The following ARHGAP42 variants were observed in gnomAD, a reference collection of about 807,000 sequenced individuals.
The protein encoded by ARHGAP42 is Rho GTPase activating protein 42.
A neutral mutation model predicts 125.0 loss-of-function variants in ARHGAP42; 63 were observed. The ratio of observed to expected loss-of-function variants is 0.50; its 90% CI spans 0.41 to 0.62. The LOEUF (loss-of-function observed/expected upper bound fraction) is 0.62, where lower values mean the gene tolerates loss of function less well. ARHGAP42 is among the 20% of genes least tolerant of loss of function. The pLI, the probability that ARHGAP42 is intolerant of heterozygous loss-of-function variation, is 0.00. For synonymous variants in ARHGAP42, 339 were observed against 351.0 expected, an observed-to-expected ratio of 0.97 and a Z score of 0.38; for missense variants, 766 against 1,024.2, an observed-to-expected ratio of 0.75 and a Z score of 3.44.
chr11:100,941,682 G>A (rs905328575), intron 8 of ARHGAP42, 102 bp from the exon 9 acceptor site: 3 of 648,286 alleles, frequency 4.6e-6, no homozygotes, highest in Non-Finnish European at 5.2e-6. Flanking sequence ...GCATGGTATA[G>A]GAGAGATAAT....
At chr11:100,860,279 C>G (rs985842576) in intron 4 of ARHGAP42, among the ~76,000 whole-genome samples, 3 of 152,052 alleles carry the variant, frequency 2.0e-5, no homozygotes, top group Admixed American at 2.0e-4. Context: ...TATCCCTTCC[C>G]CATTTGAGCA....
chr11:100,741,923 T>C (rs1457054913), intron 1 of ARHGAP42, among the ~76,000 whole-genome samples: 6 of 152,346 alleles, frequency 3.9e-5, no homozygotes, highest in Non-Finnish European at 7.3e-5. Flanking sequence ...TAAGGTTGTC[T>C]GCTTTAACCT....
At chr11:100,750,117 G>A (rs973078877) in intron 1 of ARHGAP42, among the ~76,000 whole-genome samples, 8 of 152,184 alleles carry the variant, frequency 5.3e-5, no homozygotes, top group African/African-American at 1.9e-4. Flanking sequence ...TGTAATCCTG[G>A]ATGAGCCCCC....
chr11:100,795,090 T>C lies in ARHGAP42; in HGVS notation c.251-15T>C. ...AAAATATTAATTCTTTGCATTTTTT[T>C]ATCTTTCCAAACAGCTCAGTCACTA... On this transcript the variant is annotated splice_polypyrimidine_tract_variant and intron_variant, in intron 2 of 23. Coordinates refer to ENST00000298815, the MANE Select transcript of ARHGAP42 (RefSeq NM_152432.4). The C allele has an allele frequency of 6.5e-7, 1 of 1,529,160 alleles. No homozygotes were observed. Among genetic ancestry groups the C allele is most frequent in the Non-Finnish European group, 8.8e-7 (1 of 1,137,798 alleles). 94.7% of individuals were successfully genotyped at this position (1,529,160 alleles called of 1,614,324 possible). A position where few individuals can be genotyped will look rare whatever the true frequency, so the allele number is the denominator to read the frequency against.
At chr11:100,800,599 G>A (rs1368821688) in intron 3 of ARHGAP42, among the ~76,000 whole-genome samples, 1 of 152,048 alleles carries the variant, frequency 6.6e-6, no homozygotes, top group Non-Finnish European at 1.5e-5. Context: ...TGGAGATGAA[G>A]GAAGATCCGA....
intron 4 of ARHGAP42, among the ~76,000 whole-genome samples, chr11:100,862,562 C>T (rs891012993): frequency 6.6e-6 from 1 of 152,140 alleles, no homozygotes; most frequent in African/African-American, 2.4e-5. Flanking sequence ...TTTGCCTGCT[C>T]ACTGGAAGGT....
intron 19 of ARHGAP42, 25 bp from the exon 20 acceptor site, chr11:100,976,032 C>A: frequency 6.8e-7 from 1 of 1,467,718 alleles, no homozygotes; most frequent in South Asian, 1.4e-5. Flanking sequence ...CAGTTGCTTT[C>A]ATCTCTCTCC....
chr11:100,959,018 T>A (rs12420453), intron 12 of ARHGAP42, among the ~76,000 whole-genome samples: 7,476 of 152,130 alleles, frequency 0.049, 324 homozygotes, highest in East Asian at 0.25. Context: ...GAAGTTAGTT[T>A]TAAATTTGTA....
At chr11:100,838,272 C>T (rs1408081929) in intron 3 of ARHGAP42, among the ~76,000 whole-genome samples, 5 of 152,014 alleles carry the variant, frequency 3.3e-5, no homozygotes, top group Non-Finnish European at 7.4e-5. Context: ...TTGATTAAAG[C>T]GGTGTCTGCC....
intron 3 of ARHGAP42, among the ~76,000 whole-genome samples, chr11:100,833,781 T>C (rs1864717047): frequency 6.6e-6 from 1 of 152,148 alleles, no homozygotes; most frequent in Non-Finnish European, 1.5e-5. Flanking sequence ...TTGTTTCATA[T>C]ATGTTAGAAG....
chr11:100,921,214 C>CATATAT (rs1555024757), intron 5 of ARHGAP42, among the ~76,000 whole-genome samples: 15 of 36,274 alleles, frequency 4.1e-4, no homozygotes, highest in Non-Finnish European at 6.0e-4. Context: ...TATATATATA[C>CATATAT]ATATATATAT....
At chr11:100,868,163 A>T (rs1865616811) in intron 4 of ARHGAP42, among the ~76,000 whole-genome samples, 1 of 152,144 alleles carries the variant, frequency 6.6e-6, no homozygotes, top group South Asian at 2.1e-4. Context: ...AGCATTGTTT[A>T]AAAAAATGGC....
intron 4 of ARHGAP42, among the ~76,000 whole-genome samples, chr11:100,868,438 C>T (rs1314387349): frequency 6.6e-6 from 1 of 152,140 alleles, no homozygotes; most frequent in Non-Finnish European, 1.5e-5. Context: ...TGTAAACTTA[C>T]TTAATCCTCA....
At chr11:100,802,271 TAA>T (rs528788072) in intron 3 of ARHGAP42, among the ~76,000 whole-genome samples, 27 of 152,200 alleles carry the variant, frequency 1.8e-4, no homozygotes, top group Admixed American at 5.2e-4. Flanking sequence ...GATGAAATGC[TAA>T]GTTTTGGCCT....
intron 10 of ARHGAP42, among the ~76,000 whole-genome samples, chr11:100,947,548 C>T (rs1332138428): frequency 6.6e-6 from 1 of 151,756 alleles, no homozygotes; most frequent in East Asian, 1.9e-4. Context: ...TAACACAGTG[C>T]CTGTCACATA....
At chr11:100,699,778 C>T (rs2120199461) in intron 1 of ARHGAP42, among the ~76,000 whole-genome samples, 1 of 152,096 alleles carries the variant, frequency 6.6e-6, no homozygotes, top group South Asian at 2.1e-4. Flanking sequence ...CCGCCTCGGA[C>T]TCCCAAAGTG....
rs537766564 is a variant in ARHGAP42, at chr11:100,919,471, T to C, written c.487-2023T>C. Among the ~76,000 whole-genome samples, 3 of 152,140 alleles carry C rather than the reference T, an allele frequency of 2.0e-5. No homozygotes were observed. In the East Asian group the frequency reaches 5.8e-4, roughly 29 times the overall value. ...GCTAAATCTTTTCTGCATAGTTCCA[T>C]TGACTAGAAAAAAAAACATTTTAGA... On this transcript the variant is annotated intron_variant, in intron 5 of 23. Coordinates refer to ENST00000298815, the MANE Select transcript of ARHGAP42 (RefSeq NM_152432.4).
chr11:100,937,781 C>T (rs1213236976), intron 8 of ARHGAP42, among the ~76,000 whole-genome samples: 1 of 152,152 alleles, frequency 6.6e-6, no homozygotes, highest in African/African-American at 2.4e-5. Flanking sequence ...TTATTTTGTA[C>T]ATAATCTTCA....
chr11:100,948,602 T>C, intron 11 of ARHGAP42, 67 bp downstream of exon 11: 2 of 1,258,678 alleles, frequency 1.6e-6, no homozygotes, highest in Non-Finnish European at 2.2e-6. Flanking sequence ...ATGGAAATTC[T>C]TTTCATAGTA....
Sources: allele counts gnomAD v4.1 joint callset (sites outside exome capture counted in the v4.1 genomes callset), GRCh38; gene constraint gnomAD v4.1.1; transcripts MANE v1.5; gene names NCBI Gene and HGNC (gene_info 2026-07-23, HGNC 2026-07-21).